The following ENPP2 variants were observed in gnomAD, a reference collection of about 807,000 sequenced individuals.
ENPP2 encodes ectonucleotide pyrophosphatase/phosphodiesterase 2, also known as autotaxin.
In ENPP2, 51 loss-of-function variants were observed where a neutral mutation model predicts 120.2. The ratio of observed to expected loss-of-function variants is 0.42; its 90% CI spans 0.34 to 0.54. The LOEUF is 0.54. Among genes scored for constraint, ENPP2 ranks in the 20% least tolerant of loss-of-function variants. The pLI is 0.04. For synonymous variants in ENPP2, 365 were observed against 366.4 expected (o/e 1.00, Z 0.04); for missense variants, 920 against 1,066.5 (o/e 0.86, Z 1.91).
chr8:119,564,909 C>T lies in ENPP2; in HGVS notation c.2178G>A (p.Ser726=), dbSNP rs140542560. Residue 726 remains serine, a synonymous_variant, in exon 23 of 25, where the codon TCG becomes TCA. Coordinates refer to ENST00000075322, the MANE Select transcript of ENPP2 (RefSeq NM_001040092.3). ...FQRVLVKKYA[S]ERNGVNVISG... ...TTATCACGTTAACTCCATTTCTTTC[C>T]GAAGCATATTTCTTCACCAATACCC... 3.1e-4 allele frequency: 494 copies of T among 1,613,094 alleles called. No homozygotes were observed. The highest frequency in any genetic ancestry group is 5.0e-4 in the Middle Eastern group (3 of 6,056).
chr8:119,583,803 G>A lies in ENPP2; in HGVS notation c.1457C>T (p.Thr486Ile). The change falls in exon 17 of 25, where the codon ACT becomes ATT. Residue 486 changes from threonine to isoleucine, a missense_variant and splice_region_variant. Coordinates refer to ENST00000075322, the MANE Select transcript of ENPP2 (RefSeq NM_001040092.3). ...TGTTGAGCCATAACCTACAAAAACA[G>A]TCTTCCAAAAGAAAAGAAAAACAAA... ...GFDNKVNSMQ[T>I]VFVGYGSTFK... is the part of the protein sequence containing the mutation. 1 of 1,580,356 alleles carries A rather than the reference G, an allele frequency of 6.3e-7. No homozygotes were observed. The highest frequency in any genetic ancestry group is 8.7e-7 in the Non-Finnish European group (1 of 1,154,278).
intron 2 of ENPP2, among the ~76,000 whole-genome samples, chr8:119,627,865 A>AAAAT (rs922394521): frequency 7.0e-6 from 1 of 143,554 alleles, no homozygotes; most frequent in Non-Finnish European, 1.5e-5. Context: ...CCGTCTTAAA[A>AAAAT]ATATATATAT....
chr8:119,629,055 C>T (rs914001416), intron 2 of ENPP2, among the ~76,000 whole-genome samples: 12 of 151,918 alleles, frequency 7.9e-5, no homozygotes, highest in Admixed American at 1.3e-4. Flanking sequence ...AATATATGTG[C>T]GTGTGGGTAT....
chr8:119,645,297 A>G (rs1333205115), intron 1 of ENPP2, among the ~76,000 whole-genome samples: 1 of 152,140 alleles, frequency 6.6e-6, no homozygotes, highest in Non-Finnish European at 1.5e-5. Context: ...CTACACAACA[A>G]GTTCACCCTC....
intron 19 of ENPP2, among the ~76,000 whole-genome samples, chr8:119,575,167 G>A (rs1305249555): frequency 6.6e-6 from 1 of 152,150 alleles, no homozygotes; most frequent in Non-Finnish European, 1.5e-5. Flanking sequence ...CAGGTCAGTA[G>A]TATCATCTCC....
At chr8:119,655,413 G>T (rs773895007) in intron 1 of ENPP2, among the ~76,000 whole-genome samples, 4 of 152,188 alleles carry the variant, frequency 2.6e-5, no homozygotes, top group Non-Finnish European at 5.9e-5. Context: ...TATGAGAGAT[G>T]CTATACAACT....
intron 21 of ENPP2, among the ~76,000 whole-genome samples, chr8:119,568,639 C>T (rs1158650953): frequency 1.3e-5 from 2 of 151,898 alleles, no homozygotes; most frequent in Non-Finnish European, 1.5e-5. Context: ...CTTGCTCTGT[C>T]ACCCAGGGTG....
intron 11 of ENPP2, among the ~76,000 whole-genome samples, chr8:119,599,375 A>C (rs1476808343): frequency 6.6e-6 from 1 of 151,848 alleles, no homozygotes; most frequent in Non-Finnish European, 1.5e-5. Flanking sequence ...AAAATACTTA[A>C]GTATTGTCAA....
At chr8:119,586,508 G>T (rs1002645091) in intron 14 of ENPP2, among the ~76,000 whole-genome samples, 195 bp from the exon 15 acceptor site, 1 of 152,170 alleles carries the variant, frequency 6.6e-6, no homozygotes, top group Non-Finnish European at 1.5e-5. Context: ...CCTTGGAGAT[G>T]ATATGACAGG....
At chr8:119,648,779 T>A (rs1817545758) in intron 1 of ENPP2, among the ~76,000 whole-genome samples, 1 of 152,196 alleles carries the variant, frequency 6.6e-6, no homozygotes, top group African/African-American at 2.4e-5. Context: ...ATCATCATAT[T>A]TAATGGTGAA....
chr8:119,664,632 G>C (rs1335125818), intron 1 of ENPP2, among the ~76,000 whole-genome samples: 2 of 152,158 alleles, frequency 1.3e-5, no homozygotes, highest in African/African-American at 2.4e-5. Context: ...TAACAAAGTA[G>C]TGGGTGGCTT....
chr8:119,665,187 G>A (rs558577306), intron 1 of ENPP2, among the ~76,000 whole-genome samples: 210 of 152,282 alleles, frequency 1.4e-3, no homozygotes, highest in Non-Finnish European at 2.5e-3. Flanking sequence ...AGGAACTGGG[G>A]ATTATGATTT....
At chr8:119,609,797 A>G (rs544172430) in intron 8 of ENPP2, among the ~76,000 whole-genome samples, 1 of 152,354 alleles carries the variant, frequency 6.6e-6, no homozygotes, top group African/African-American at 2.4e-5. Context: ...GCTATTTCCA[A>G]GAAGATTGTA....
intron 1 of ENPP2, among the ~76,000 whole-genome samples, chr8:119,660,790 A>G (rs939078487): frequency 6.6e-6 from 1 of 152,198 alleles, no homozygotes; most frequent in South Asian, 2.1e-4. Context: ...ACAATGACTC[A>G]ACTTGCTGTT....
chr8:119,600,793 T>A (rs370275701), intron 10 of ENPP2, 43 bp from the exon 11 acceptor site: 25 of 1,109,312 alleles, frequency 2.3e-5, no homozygotes, highest in Non-Finnish European at 3.2e-5. Context: ...CTAAACCACA[T>A]GTAACAAAAA....
At chr8:119,569,754 G>GTGTGTGTA (rs1455192548) in intron 20 of ENPP2, among the ~76,000 whole-genome samples, 304 of 151,530 alleles carry the variant, frequency 2.0e-3, no homozygotes, top group African/African-American at 7.2e-3. Context: ...GTGTGTGTGT[G>GTGTGTGTA]TGTGTGTGTG....
intron 24 of ENPP2, among the ~76,000 whole-genome samples, 188 bp from the exon 25 acceptor site, chr8:119,557,879 C>A (rs1478963267): frequency 6.6e-6 from 1 of 152,190 alleles, no homozygotes; most frequent in African/African-American, 2.4e-5. Context: ...AAATACCTGC[C>A]CTTGGCTGTA....
chr8:119,580,536 A>T (rs891704981), intron 18 of ENPP2: 1 of 200,582 alleles, frequency 5.0e-6, no homozygotes, highest in Admixed American at 5.5e-5. Context: ...AGTGATTCCC[A>T]AACTAATTTA....
At chr8:119,579,707 C>T (rs1812595779) in intron 19 of ENPP2, among the ~76,000 whole-genome samples, 1 of 151,672 alleles carries the variant, frequency 6.6e-6, no homozygotes, top group South Asian at 2.1e-4. Context: ...CGGTGAATCT[C>T]TCCCTATCAC....
Sources: allele counts gnomAD v4.1 joint callset (sites outside exome capture counted in the v4.1 genomes callset), GRCh38; gene constraint gnomAD v4.1.1; transcripts MANE v1.5; gene names NCBI Gene and HGNC (gene_info 2026-07-23, HGNC 2026-07-21).